The following BMAL2 variants were observed in gnomAD, a reference collection of about 807,000 sequenced individuals.
The protein encoded by BMAL2 is basic helix-loop-helix ARNT like 2, also known as basic helix-loop-helix ARNT-like protein 2.
the BMAL2 span, chr12:27,389,935 G>T: frequency 1.7e-6 from 1 of 603,558 alleles, no homozygotes; most frequent in Non-Finnish European, 2.7e-6. Context: ...ACATTTTTTG[G>T]GTATATTTCA....
the BMAL2 span, among the ~76,000 whole-genome samples, chr12:27,360,803 C>CAAAAAAAGAAAAAAAAAAAAAA: frequency 2.1e-5 from 1 of 46,788 alleles, no homozygotes; most frequent in East Asian, 7.7e-4. Flanking sequence ...GTGATTTGTC[C>CAAAAAAAGAAAAAAAAAAAAAA]AAAAAAAAAA....
chr12:27,408,752 G>A, the BMAL2 span, among the ~76,000 whole-genome samples: 1 of 152,148 alleles, frequency 6.6e-6, no homozygotes, highest in African/African-American at 2.4e-5. Flanking sequence ...AGGGCAATAA[G>A]GAAGGAGAAG....
chr12:27,408,114 CA>C, the BMAL2 span, among the ~76,000 whole-genome samples: 1 of 151,822 alleles, frequency 6.6e-6, no homozygotes, highest in Admixed American at 6.6e-5. Context: ...GCTTACCAAC[CA>C]AAAAAAGTCC....
At chr12:27,371,448 G>GT in the BMAL2 span, among the ~76,000 whole-genome samples, 1 of 152,164 alleles carries the variant, frequency 6.6e-6, no homozygotes, top group Non-Finnish European at 1.5e-5. Context: ...AGGCATACAG[G>GT]TATGTAGTTG....
At chr12:27,413,000 G>GA in the BMAL2 span, among the ~76,000 whole-genome samples, 124 of 137,504 alleles carry the variant, frequency 9.0e-4, 1 homozygote, top group South Asian at 2.7e-3. Flanking sequence ...GTGCTGCAAG[G>GA]AAAAAAAAAA....
chr12:27,377,186 C>T, the BMAL2 span, among the ~76,000 whole-genome samples: 1 of 152,208 alleles, frequency 6.6e-6, no homozygotes, highest in Admixed American at 6.5e-5. Flanking sequence ...TGCCATGGTT[C>T]AACATGGCAG....
the BMAL2 span, chr12:27,376,474 G>A: frequency 1.7e-6 from 2 of 1,177,528 alleles, no homozygotes; most frequent in Middle Eastern, 2.0e-4. Context: ...TGACACCAAG[G>A]TAGAAGGGCT....
the BMAL2 span, among the ~76,000 whole-genome samples, chr12:27,411,765 TG>T: frequency 6.6e-6 from 1 of 152,222 alleles, no homozygotes; most frequent in Non-Finnish European, 1.5e-5. Flanking sequence ...GATATGTGAT[TG>T]GCAAATATTT....
chr12:27,356,959 G>A, the BMAL2 span, among the ~76,000 whole-genome samples: 1 of 147,804 alleles, frequency 6.8e-6, no homozygotes, highest in Non-Finnish European at 1.5e-5. Context: ...TTATGCCTTT[G>A]TGTCCTCATA....
chr12:27,368,527 G>A, the BMAL2 span: 1 of 1,299,522 alleles, frequency 7.7e-7, no homozygotes, highest in Non-Finnish European at 1.1e-6. Context: ...TTGGAGATGG[G>A]AGAGTACTTA....
chr12:27,366,005 CA>C, the BMAL2 span, among the ~76,000 whole-genome samples: 2 of 152,040 alleles, frequency 1.3e-5, no homozygotes, highest in Non-Finnish European at 2.9e-5. Flanking sequence ...CATTGTGTGA[CA>C]TTTTTATTAA....
chr12:27,392,512 C>T, the BMAL2 span, among the ~76,000 whole-genome samples: 19 of 135,384 alleles, frequency 1.4e-4, no homozygotes, highest in Admixed American at 9.1e-4. Flanking sequence ...TCTCCAAGGG[C>T]AGGAATATTC....
chr12:27,411,759 T>C, the BMAL2 span, among the ~76,000 whole-genome samples: 1 of 152,204 alleles, frequency 6.6e-6, no homozygotes, highest in African/African-American at 2.4e-5. Flanking sequence ...TTAGCAGATA[T>C]GTGATTGGCA....
At chr12:27,403,516 G>A in the BMAL2 span, 3 of 1,602,790 alleles carry the variant, frequency 1.9e-6, no homozygotes, top group African/African-American at 2.7e-5. Context: ...AACAGATATT[G>A]CAAATGAAAT....
the BMAL2 span, chr12:27,400,443 C>A: frequency 9.1e-7 from 1 of 1,098,256 alleles, no homozygotes; most frequent in Non-Finnish European, 1.2e-6. Flanking sequence ...CATTTTATAG[C>A]ACAATTATAA....
the BMAL2 span, chr12:27,370,138 C>G: frequency 6.2e-7 from 1 of 1,613,678 alleles, no homozygotes; most frequent in Non-Finnish European, 8.5e-7. Context: ...GGTCAGGAAT[C>G]ATGACAGAAA....
At chr12:27,341,374 A>C in the BMAL2 span, among the ~76,000 whole-genome samples, 1 of 152,208 alleles carries the variant, frequency 6.6e-6, no homozygotes, top group Admixed American at 6.5e-5. Context: ...TGAGATAATC[A>C]CGTGGTTTTT....
the BMAL2 span, among the ~76,000 whole-genome samples, chr12:27,360,821 A>AAAAAAAAAAAAAAAAAAAAAAG: frequency 6.7e-6 from 1 of 149,584 alleles, no homozygotes; most frequent in African/African-American, 2.4e-5. Context: ...AAAAAAAAAA[A>AAAAAAAAAAAAAAAAAAAAAAG]AAAACAGTAC....
At chr12:27,374,194 T>G in the BMAL2 span, among the ~76,000 whole-genome samples, 1 of 152,080 alleles carries the variant, frequency 6.6e-6, no homozygotes, top group African/African-American at 2.4e-5. Context: ...GAAATTGAAG[T>G]AATGTATATA....
Sources: gnomAD v4.1 joint callset for allele counts (sites outside exome capture counted in the v4.1 genomes callset) on GRCh38, gnomAD v4.1.1 for gene constraint, MANE v1.5 for transcripts, NCBI Gene and HGNC (gene_info 2026-07-23, HGNC 2026-07-21) for gene names.